The following TTC3 variants were observed in gnomAD, a reference collection of about 807,000 sequenced individuals.
TTC3 encodes tetratricopeptide repeat domain 3.
In TTC3, 180 loss-of-function variants were observed where a neutral mutation model predicts 249.6. The ratio of observed to expected loss-of-function variants is 0.72; its 90% CI spans 0.64 to 0.82. The LOEUF (loss-of-function observed/expected upper bound fraction) is 0.82, where lower values mean the gene tolerates loss of function less well. Among genes scored for constraint, TTC3 ranks in the 40% least tolerant of loss-of-function variants. The probability of loss-of-function intolerance (pLI) is 0.00; values close to 1 mark genes in which losing one functional copy is unlikely to be tolerated. For synonymous variants in TTC3, 717 were observed against 805.0 expected (o/e 0.89, Z 1.85); for missense variants, 2,061 against 2,398.4 (o/e 0.86, Z 2.94).
chr21:37,161,580 CT>C (rs2148057713), intron 30 of TTC3, among the ~76,000 whole-genome samples: 1 of 152,226 alleles, frequency 6.6e-6, no homozygotes, highest in Non-Finnish European at 1.5e-5. Context: ...ATTTTTAAGT[CT>C]TTGGTGGGTT....
At chr21:37,078,470 G>A (rs1262071687) in intron 1 of TTC3, among the ~76,000 whole-genome samples, 1 of 152,090 alleles carries the variant, frequency 6.6e-6, no homozygotes, top group African/African-American at 2.4e-5. Context: ...TTTTAGTGTA[G>A]TTTTGTAATA....
At position 37,088,888 on chromosome 21, in the gene TTC3, T is replaced by TA. The variant is rs1156652343; in HGVS notation, c.426+4dup. The TA allele has an allele frequency of 6.2e-7, 1 of 1,613,204 alleles. No individual in the cohort carries two copies. Among genetic ancestry groups the TA allele is most frequent in the Non-Finnish European group, 8.5e-7 (1 of 1,179,636 alleles). ...GTGGATTTGGCAAAGAAAGTTGCTG[T>TA]AAGTGGTAGAATGTAGGTTCCCCCG... On this transcript the variant is annotated splice_region_variant and intron_variant, in intron 5 of 45. Transcript: ENST00000355666.
intron 33 of TTC3, 127 bp from the exon 34 acceptor site, chr21:37,167,428 A>G: frequency 3.6e-6 from 2 of 553,094 alleles, no homozygotes; most frequent in Non-Finnish European, 6.1e-6. Context: ...AAAGCATGGA[A>G]CATGATCTAA....
At chr21:37,145,071 T>A (rs974106144) in intron 21 of TTC3, among the ~76,000 whole-genome samples, 2 of 152,232 alleles carry the variant, frequency 1.3e-5, no homozygotes, top group African/African-American at 2.4e-5. Context: ...TGTTGTTTCA[T>A]CATAAAGTTA....
At chr21:37,167,568 T>G in exon 34 of TTC3, 1 of 1,609,452 alleles carries the variant, frequency 6.2e-7, no homozygotes, top group Non-Finnish European at 8.5e-7. Context: ...TCTTGGAACA[T>G]AATACACCAA....
chr21:37,109,452 C>T (rs1417307225), intron 11 of TTC3, among the ~76,000 whole-genome samples: 4 of 152,324 alleles, frequency 2.6e-5, no homozygotes, highest in Non-Finnish European at 4.4e-5. Flanking sequence ...GCCCATGGAG[C>T]CTCGCTCATT....
At chr21:37,086,908 T>TTAAA in intron 1 of TTC3, 1 of 203,164 alleles carries the variant, frequency 4.9e-6, no homozygotes, top group African/African-American at 2.3e-5. Context: ...CAGCAAACAC[T>TTAAA]TATTTGAGAG....
At chr21:37,175,212 C>T (rs1195461637) in intron 35 of TTC3, among the ~76,000 whole-genome samples, 6 of 139,838 alleles carry the variant, frequency 4.3e-5, no homozygotes, top group Admixed American at 7.8e-5. Flanking sequence ...TGCACCGAGC[C>T]GAGATCACGC....
At chr21:37,192,609 C>G (rs2084316801) in intron 41 of TTC3, among the ~76,000 whole-genome samples, 1 of 151,796 alleles carries the variant, frequency 6.6e-6, no homozygotes, top group Admixed American at 6.6e-5. Context: ...AAGCAGGCCG[C>G]TATCACCACC....
At chr21:37,165,204 T>G (rs1359054458) in intron 32 of TTC3, among the ~76,000 whole-genome samples, 1 of 152,246 alleles carries the variant, frequency 6.6e-6, no homozygotes, top group East Asian at 1.9e-4. Flanking sequence ...TTTAAAATTC[T>G]TATTGGCATT....
chr21:37,080,647 A>G (rs1395974827), intron 1 of TTC3, among the ~76,000 whole-genome samples: 2 of 152,138 alleles, frequency 1.3e-5, no homozygotes, highest in Non-Finnish European at 2.9e-5. Flanking sequence ...GACTTTTATT[A>G]GCTACATGCA....
chr21:37,177,247 A>G (rs1260858003), intron 35 of TTC3, among the ~76,000 whole-genome samples: 4 of 152,230 alleles, frequency 2.6e-5, no homozygotes, highest in Non-Finnish European at 4.4e-5. Flanking sequence ...GGAAGGTGCA[A>G]AGGCAAGCAA....
At chr21:37,113,767 T>A (rs572808758) in intron 11 of TTC3, among the ~76,000 whole-genome samples, 1 of 152,136 alleles carries the variant, frequency 6.6e-6, no homozygotes, top group Non-Finnish European at 1.5e-5. Flanking sequence ...GGAGGCATCA[T>A]GCTTACCTGA....
intron 19 of TTC3, 101 bp from the exon 20 acceptor site, chr21:37,140,460 G>A: frequency 2.6e-6 from 2 of 775,962 alleles, no homozygotes; most frequent in Admixed American, 3.0e-5. Flanking sequence ...GGGATATGCA[G>A]TTGTTATTTT....
intron 34 of TTC3, among the ~76,000 whole-genome samples, chr21:37,170,061 A>T (rs1048838255): frequency 5.9e-5 from 9 of 152,132 alleles, no homozygotes; most frequent in East Asian, 1.9e-4. Flanking sequence ...AACGGGAAAA[A>T]TTTTTTGTAA....
exon 46 of TTC3, chr21:37,201,976 A>C (rs2148261700): frequency 6.0e-6 from 1 of 166,206 alleles, no homozygotes; most frequent in East Asian, 1.8e-4. Flanking sequence ...TGGTAGCTCC[A>C]CAAGAGAGAT....
intron 11 of TTC3, chr21:37,121,279 G>A (rs1281675896): frequency 6.6e-6 from 1 of 152,274 alleles, no homozygotes; most frequent in African/African-American, 2.4e-5. Flanking sequence ...GCTGAGTGAA[G>A]GGGAGACGGC....
rs571821654 is a variant in TTC3 at position 37,165,403 on chromosome 21, A to G, written c.3336-147A>G. The G allele has an allele frequency of 2.5e-4, 151 of 610,556 alleles. 1 individual carries two copies. In the East Asian group the frequency reaches 4.0e-3, roughly 16 times the overall value. 37.8% of individuals were successfully genotyped at this position (610,556 alleles called of 1,614,324 possible). On this transcript the variant is annotated intron_variant, in intron 32 of 45. Coordinates refer to ENST00000355666, the Ensembl canonical transcript of TTC3. ...AGTATCATTGATTGCAGTTAACCTT[A>G]TGTTTGTTATATTTGTTGTTGAGGA...
intron 18 of TTC3, 126 bp downstream of exon 18, chr21:37,135,640 C>A: frequency 8.5e-7 from 1 of 1,171,290 alleles, no homozygotes; most frequent in Non-Finnish European, 1.2e-6. Flanking sequence ...GCTGAATCTA[C>A]TTCAGGTTAT....
Sources: gnomAD v4.1 joint callset for allele counts (sites outside exome capture counted in the v4.1 genomes callset) on GRCh38, gnomAD v4.1.1 for gene constraint, MANE v1.5 for transcripts, NCBI Gene and HGNC (gene_info 2026-07-23, HGNC 2026-07-21) for gene names.